Variants in PPP1R9A observed in about 807,000 individuals in gnomAD.
PPP1R9A encodes the protein neurabin-1.
In PPP1R9A, 59 loss-of-function variants were observed where a neutral mutation model predicts 141.9. The ratio of observed to expected loss-of-function variants is 0.42; its 90% CI spans 0.34 to 0.52. The LOEUF (loss-of-function observed/expected upper bound fraction) is 0.52. Among genes scored for constraint, PPP1R9A ranks in the 20% least tolerant of loss-of-function variants. The probability of loss-of-function intolerance (pLI) is 0.10; values close to 1 mark genes in which losing one functional copy is unlikely to be tolerated. For synonymous variants in PPP1R9A, 500 were observed against 569.7 expected, an observed-to-expected ratio of 0.88 and a Z score of 1.74; for missense variants, 1,444 against 1,611.9, an observed-to-expected ratio of 0.90 and a Z score of 1.78.
At chr7:95,020,711 G>A (rs1006752830) in intron 2 of PPP1R9A, among the ~76,000 whole-genome samples, 3 of 152,074 alleles carry the variant, frequency 2.0e-5, no homozygotes, top group African/African-American at 7.2e-5. Context: ...GTAGTGTTTG[G>A]TTTTCTGTTC....
At chr7:95,052,429 A>G (rs542874663) in intron 2 of PPP1R9A, among the ~76,000 whole-genome samples, 2 of 152,280 alleles carry the variant, frequency 1.3e-5, no homozygotes, top group Non-Finnish European at 2.9e-5. Context: ...CTAATGGTTG[A>G]AAAGGAGGAG....
At chr7:95,033,172 T>A (rs945506091) in intron 2 of PPP1R9A, among the ~76,000 whole-genome samples, 1 of 2,552 alleles carries the variant, frequency 3.9e-4, no homozygotes, top group Non-Finnish European at 1.8e-3. Flanking sequence ...GCCTGGCTAA[T>A]TTTTTTTTTT....
chr7:95,195,287 T>G (rs1300744745), intron 5 of PPP1R9A, among the ~76,000 whole-genome samples: 3 of 151,716 alleles, frequency 2.0e-5, no homozygotes, highest in African/African-American at 7.3e-5. Context: ...TCAGTTTTTT[T>G]TTTTTTTTCT....
rs1295337261 is a variant in PPP1R9A at position 95,295,962 on chromosome 7, AG to A, written c.*5660del. The A allele has an allele frequency of 1.3e-5, 2 of 152,676 alleles. No homozygotes were observed. Among genetic ancestry groups the A allele is most frequent in the African/African-American group, 2.4e-5 (1 of 41,464 alleles). The allele number at this position is 152,676 out of a possible 1,614,324, so 9.5% of individuals were successfully genotyped here. On this transcript the variant is annotated 3_prime_UTR_variant, in exon 20 of 20. Coordinates refer to ENST00000433360, the MANE Select transcript of PPP1R9A (RefSeq NM_001166160.2). ...CTACACCTTACTGACAAAACTGGGCAGCTGAAAATAAAAGAGAATAAATTCT... is the reference window on the plus strand; with the variant it reads ...CTACACCTTACTGACAAAACTGGGCACTGAAAATAAAAGAGAATAAATTCT...
Position 94,983,419 on chromosome 7 carries a change from G to A in PPP1R9A, c.1395+71911G>A, listed in dbSNP as rs537282574. ...GCATTGAATCTATAAATTACCTTGA[G>A]CAGTATGGCCATTTTCATGATACTG... On this transcript the variant is annotated intron_variant, in intron 2 of 19. Coordinates refer to ENST00000433360, the MANE Select transcript of PPP1R9A (RefSeq NM_001166160.2). 1.6e-4 allele frequency among the ~76,000 whole-genome samples: 24 copies of A among 152,266 alleles called. No individual in the cohort carries two copies. In the East Asian group the frequency reaches 3.9e-3, roughly 24 times the overall value.
intron 18 of PPP1R9A, 95 bp from the exon 19 acceptor site, chr7:95,288,441 G>C: frequency 3.4e-6 from 5 of 1,486,466 alleles, no homozygotes; most frequent in African/African-American, 2.8e-5. Flanking sequence ...AAACATAAAT[G>C]TGGCTCTCAT....
intron 2 of PPP1R9A, among the ~76,000 whole-genome samples, chr7:95,070,800 G>T (rs950772338): frequency 1.3e-5 from 2 of 151,390 alleles, no homozygotes; most frequent in East Asian, 1.9e-4. Flanking sequence ...CTACTTTATA[G>T]GTATTTAGTA....
At chr7:95,245,938 T>TTA (rs1425901496) in intron 8 of PPP1R9A, among the ~76,000 whole-genome samples, 3 of 152,076 alleles carry the variant, frequency 2.0e-5, no homozygotes, top group Admixed American at 6.5e-5. Context: ...TCAGGAAGAA[T>TTA]GTAAGCAGTG....
chr7:95,124,518 A>T (rs1353801758), intron 4 of PPP1R9A, among the ~76,000 whole-genome samples: 1 of 152,140 alleles, frequency 6.6e-6, no homozygotes, highest in Non-Finnish European at 1.5e-5. Context: ...GAGAATATAT[A>T]CCACTTGTGT....
chr7:95,081,737 A>G (rs1170987941), intron 2 of PPP1R9A, among the ~76,000 whole-genome samples: 1 of 152,234 alleles, frequency 6.6e-6, no homozygotes, highest in East Asian at 1.9e-4. Flanking sequence ...CAATACTGGC[A>G]AAATGGTCAG....
chr7:95,251,147 A>G (rs961931270), intron 10 of PPP1R9A, among the ~76,000 whole-genome samples: 2 of 152,174 alleles, frequency 1.3e-5, no homozygotes, highest in South Asian at 2.1e-4. Flanking sequence ...TATAAATTCA[A>G]TACATCACTG....
chr7:95,090,723 G>A (rs553483954), intron 2 of PPP1R9A, among the ~76,000 whole-genome samples: 14 of 151,830 alleles, frequency 9.2e-5, no homozygotes, highest in African/African-American at 2.7e-4. Flanking sequence ...CAGGAGACTC[G>A]CTTGAACCCA....
chr7:95,268,492 T>C, intron 12 of PPP1R9A, 58 bp from the exon 13 acceptor site: 1 of 1,583,358 alleles, frequency 6.3e-7, no homozygotes, highest in Non-Finnish European at 8.6e-7. Flanking sequence ...GTGTCTGTGG[T>C]CTCTTCATCA....
intron 2 of PPP1R9A, among the ~76,000 whole-genome samples, chr7:94,945,151 A>G (rs1292537142): frequency 6.6e-6 from 1 of 152,094 alleles, no homozygotes; most frequent in African/African-American, 2.4e-5. Context: ...ATAAAAATCA[A>G]GTATGATAGT....
At chr7:95,117,114 C>G (rs1345311824) in intron 3 of PPP1R9A, among the ~76,000 whole-genome samples, 1 of 152,004 alleles carries the variant, frequency 6.6e-6, no homozygotes, top group Non-Finnish European at 1.5e-5. Flanking sequence ...AATGGGAAAC[C>G]AGAAGTTAGA....
chr7:95,237,196 G>GT (rs1411230702), intron 8 of PPP1R9A, among the ~76,000 whole-genome samples: 2 of 144,268 alleles, frequency 1.4e-5, no homozygotes, highest in South Asian at 2.2e-4. Flanking sequence ...TTTTTTTATG[G>GT]TTTTTTGTTT....
chr7:94,944,201 A>T (rs1282460827), intron 2 of PPP1R9A, among the ~76,000 whole-genome samples: 3 of 152,074 alleles, frequency 2.0e-5, no homozygotes, highest in Admixed American at 6.6e-5. Context: ...ATATACAATA[A>T]ATTATTGTTT....
At chr7:95,278,861 G>C (rs1803655635) in intron 16 of PPP1R9A, among the ~76,000 whole-genome samples, 1 of 152,034 alleles carries the variant, frequency 6.6e-6, no homozygotes, top group East Asian at 1.9e-4. Flanking sequence ...TTACTTCTTG[G>C]ACAGGTTTCT....
chr7:94,968,423 C>T (rs1405308178), intron 2 of PPP1R9A, among the ~76,000 whole-genome samples: 6 of 152,170 alleles, frequency 3.9e-5, no homozygotes, highest in Admixed American at 2.6e-4. Flanking sequence ...CCACCCGCCT[C>T]GGCCTCCCAA....
Sources: allele counts gnomAD v4.1 joint callset (sites outside exome capture counted in the v4.1 genomes callset), GRCh38; gene constraint gnomAD v4.1.1; transcripts MANE v1.5; gene names NCBI Gene and HGNC (gene_info 2026-07-23, HGNC 2026-07-21).